The following MYBL2 variants were observed in gnomAD, a reference collection of about 807,000 sequenced individuals.
The protein encoded by MYBL2 is MYB proto-oncogene like 2, also known as myb-related protein B.
Under a neutral mutation model 79.9 loss-of-function variants are expected in MYBL2, and 28 were observed. The ratio of observed to expected loss-of-function variants is 0.35; its 90% confidence interval spans 0.26 to 0.48. The LOEUF is 0.48. MYBL2 is among the 20% of genes least tolerant of loss of function. MYBL2 has a pLI of 0.99. For missense variants in MYBL2, 735 were observed against 893.9 expected (o/e 0.82, Z 2.27); for synonymous variants, 378 against 361.2 (o/e 1.05, Z -0.53).
chr20:43,705,146 A>G (rs1987751972), intron 8 of MYBL2, 73 bp from the exon 9 acceptor site: 4 of 1,556,586 alleles, frequency 2.6e-6, no homozygotes, highest in East Asian at 2.3e-5. Context: ...ATCTCTCCCC[A>G]TGATCCCCTG....
At chr20:43,699,088 T>C (rs1051293761) in intron 6 of MYBL2, among the ~76,000 whole-genome samples, 1 of 152,094 alleles carries the variant, frequency 6.6e-6, no homozygotes, top group Non-Finnish European at 1.5e-5. Flanking sequence ...ACCTAGGCTG[T>C]AGTGCAATGG....
chr20:43,667,242 T>TG lies in MYBL2; in HGVS notation c.-41dup. On this transcript the variant is annotated 5_prime_UTR_variant, in exon 1 of 14. Coordinates refer to ENST00000217026, the MANE Select transcript of MYBL2 (RefSeq NM_002466.4). ...CCGGCCCGGCTCCCGCTCCGGGCTCTGCCGGCGGGCGGGCGAGCGCGGCGC... is the reference window on the plus strand; with the variant it reads ...CCGGCCCGGCTCCCGCTCCGGGCTCTGGCCGGCGGGCGGGCGAGCGCGGCGC... The TG allele has an allele frequency of 1.2e-5, 14 of 1,207,896 alleles. No individual in the cohort carries two copies. Among genetic ancestry groups the TG allele is most frequent in the Non-Finnish European group, 1.4e-5 (14 of 972,272 alleles). The allele number at this position is 1,207,896 out of a possible 1,614,324, so 74.8% of individuals were successfully genotyped here. A position where few individuals can be genotyped will look rare whatever the true frequency, so the allele number is the denominator to read the frequency against.
chr20:43,709,928 C>A (rs1987868241), intron 9 of MYBL2, 35 bp from the exon 10 acceptor site: 2 of 1,545,042 alleles, frequency 1.3e-6, no homozygotes, highest in Non-Finnish European at 1.8e-6. Context: ...CGGCCCCTAT[C>A]CTGTCACTAG....
intron 1 of MYBL2, among the ~76,000 whole-genome samples, chr20:43,668,714 G>T (rs1461340472): frequency 1.4e-5 from 2 of 144,686 alleles, no homozygotes; most frequent in African/African-American, 5.1e-5. Flanking sequence ...TTGAGGCAGG[G>T]TCTCCGTCTG....
chr20:43,713,528 C>T (rs1465674842), intron 12 of MYBL2, among the ~76,000 whole-genome samples: 1 of 152,010 alleles, frequency 6.6e-6, no homozygotes, highest in South Asian at 2.1e-4. Flanking sequence ...GCTGGGATTA[C>T]AGGCATGCAT....
chr20:43,714,602 A>G (rs1257872388), intron 12 of MYBL2, among the ~76,000 whole-genome samples: 1 of 152,084 alleles, frequency 6.6e-6, no homozygotes, highest in Non-Finnish European at 1.5e-5. Flanking sequence ...TTAAGTAAGA[A>G]AGTTCTTTAG....
intron 1 of MYBL2, among the ~76,000 whole-genome samples, chr20:43,672,341 G>T (rs1986887335): frequency 1.0e-4 from 1 of 9,912 alleles, no homozygotes; most frequent in African/African-American, 2.4e-4. Flanking sequence ...TGTAATCCAA[G>T]TTACTTTGGA....
chr20:43,675,281 A>G (rs1429028638), intron 2 of MYBL2, among the ~76,000 whole-genome samples: 1 of 151,884 alleles, frequency 6.6e-6, no homozygotes, highest in East Asian at 1.9e-4. Flanking sequence ...TCCCTGGCCA[A>G]ATGCCCCTTT....
chr20:43,708,090 C>CA, intron 9 of MYBL2, among the ~76,000 whole-genome samples: 1 of 152,150 alleles, frequency 6.6e-6, no homozygotes, highest in East Asian at 1.9e-4. Flanking sequence ...CTTTTCAAGT[C>CA]AGCCTCCCTG....
chr20:43,682,750 CAGA>C (rs1399904066), intron 3 of MYBL2, 41 bp from the exon 4 acceptor site: 1 of 1,599,452 alleles, frequency 6.3e-7, no homozygotes. Context: ...CCCGAGGTCC[CAGA>C]AGTTCTCACA....
chr20:43,682,891 C>T lies in MYBL2; in HGVS notation c.279+5C>T, dbSNP rs866529784. On this transcript the variant is annotated splice_donor_5th_base_variant and intron_variant, in intron 4 of 13. Coordinates refer to ENST00000217026, the MANE Select transcript of MYBL2 (RefSeq NM_002466.4). ...ACCAAAGAGGAAGACCAAAAAGTAA[C>T]TGCTGGGACAGTGCCTTGCACACAG... The T allele has an allele frequency of 6.2e-7, 1 of 1,613,156 alleles. No individual in the cohort carries two copies. Among genetic ancestry groups the T allele is most frequent in the African/African-American group, 1.3e-5 (1 of 75,016 alleles).
At chr20:43,696,978 G>A (rs1220874703) in intron 6 of MYBL2, among the ~76,000 whole-genome samples, 1 of 152,304 alleles carries the variant, frequency 6.6e-6, no homozygotes, top group African/African-American at 2.4e-5. Flanking sequence ...CCCCGCCTCA[G>A]TCTCCCAAAG....
At chr20:43,696,226 G>C (rs541832591) in intron 6 of MYBL2, among the ~76,000 whole-genome samples, 10 of 152,036 alleles carry the variant, frequency 6.6e-5, no homozygotes, top group African/African-American at 9.6e-5. Flanking sequence ...GCAGAAGGTT[G>C]AGCCTGCTCA....
At chr20:43,710,084 G>GT (rs1568879357) in intron 10 of MYBL2, 22 bp downstream of exon 10, 1 of 1,566,794 alleles carries the variant, frequency 6.4e-7, no homozygotes, top group Admixed American at 1.7e-5. Context: ...GGTCGCTGCC[G>GT]TGGATCTCTG....
chr20:43,711,744 T>C, intron 11 of MYBL2, 143 bp downstream of exon 11: 1 of 694,954 alleles, frequency 1.4e-6, no homozygotes, highest in Non-Finnish European at 2.4e-6. Context: ...TTTCGCACGG[T>C]GGTTGTTGAG....
intron 6 of MYBL2, among the ~76,000 whole-genome samples, chr20:43,695,959 A>G (rs1987530669): frequency 6.6e-6 from 1 of 151,940 alleles, no homozygotes; most frequent in African/African-American, 2.4e-5. Flanking sequence ...CGGAGGTTGC[A>G]GTGAGCCGAG....
intron 8 of MYBL2, among the ~76,000 whole-genome samples, chr20:43,703,859 C>T (rs1026001865): frequency 4.6e-5 from 7 of 152,288 alleles, no homozygotes; most frequent in African/African-American, 1.7e-4. Context: ...GTGTTGGTTT[C>T]TACTGAGGCC....
chr20:43,711,693 C>T (rs1987911752), intron 11 of MYBL2, 92 bp downstream of exon 11: 6 of 1,163,312 alleles, frequency 5.2e-6, no homozygotes, highest in Non-Finnish European at 6.2e-6. Flanking sequence ...GAAAGTGAGG[C>T]GCTGGGGAGA....
intron 9 of MYBL2, among the ~76,000 whole-genome samples, chr20:43,707,069 A>G (rs1020275044): frequency 6.6e-6 from 1 of 151,074 alleles, no homozygotes; most frequent in African/African-American, 2.4e-5. Flanking sequence ...AGTCCCAGCT[A>G]CTCGGGAGGC....
Sources: gnomAD v4.1 joint callset for allele counts (sites outside exome capture counted in the v4.1 genomes callset) on GRCh38, gnomAD v4.1.1 for gene constraint, MANE v1.5 for transcripts, NCBI Gene and HGNC (gene_info 2026-07-23, HGNC 2026-07-21) for gene names.